NRXN2: variants seen among roughly 807,000 people sequenced by gnomAD.
The protein encoded by NRXN2 is neurexin 2.
Under a neutral mutation model 128.8 loss-of-function variants are expected in NRXN2, and 29 were observed. The ratio of observed to expected loss-of-function variants is 0.23; its 90% CI spans 0.17 to 0.31. NRXN2 has a LOEUF of 0.31. Ranked by LOEUF, NRXN2 falls within the 10% of genes least tolerant of loss-of-function variation. The probability of loss-of-function intolerance (pLI) is 1.00; values close to 1 mark genes in which losing one functional copy is unlikely to be tolerated. For missense variants in NRXN2, 1,881 were observed against 2,452.6 expected (o/e 0.77, Z 4.92); for synonymous variants, 1,098 against 1,075.2 (o/e 1.02, Z -0.41).
At chr11:64,708,678 G>A (rs1031048374) in intron 2 of NRXN2, among the ~76,000 whole-genome samples, 5 of 152,150 alleles carry the variant, frequency 3.3e-5, no homozygotes, top group African/African-American at 1.2e-4. Flanking sequence ...ACACAAATTC[G>A]TATGCACACC....
Position 64,608,090 on chromosome 11 carries a change from AAG to A in NRXN2, c.4253-10_4253-9del, listed in dbSNP as rs754320919. On this transcript the variant is annotated splice_polypyrimidine_tract_variant and intron_variant, in intron 22 of 22. Transcript: ENST00000265459. Reference sequence around the variant, plus strand: ...GCAATATTAACTCTCCTCCTAGAACAAGAGAGAGAAGAGAAAAGAGAGGGCGT... The same window carrying A: ...GCAATATTAACTCTCCTCCTAGAACAAGAGAGAAGAGAAAAGAGAGGGCGT... 3 of 1,579,508 alleles carry A rather than the reference AAG, an allele frequency of 1.9e-6. No homozygotes were observed. The highest frequency in any genetic ancestry group is 2.7e-5 in the African/African-American group (2 of 74,538).
At chr11:64,685,622 T>C in intron 6 of NRXN2, 24 bp downstream of exon 6, 1 of 1,614,136 alleles carries the variant, frequency 6.2e-7, no homozygotes, top group Non-Finnish European at 8.5e-7. Flanking sequence ...AGCTAATCCC[T>C]GGCCTTCTTC....
In NRXN2 at chr11:64,648,458, G is replaced by A; in HGVS notation, c.3284-120C>T. The A allele has an allele frequency of 6.6e-7, 1 of 1,509,184 alleles. No individual in the cohort carries two copies. The highest frequency in any genetic ancestry group is 9.1e-7 in the Non-Finnish European group (1 of 1,096,260). The allele number at this position is 1,509,184 out of a possible 1,614,324, so 93.5% of individuals were successfully genotyped here. ...TACTCTGAGCTCTGCCTGGCTGAAA[G>A]GGCCAAGTACTGATGACAGGGATTG... On this transcript the variant is annotated intron_variant, in intron 16 of 22. Coordinates refer to ENST00000265459, the MANE Select transcript of NRXN2 (RefSeq NM_015080.4). The surrounding 1 kb of genome is among the most constrained non-coding windows in gnomAD (Gnocchi z 4.1).
chr11:64,713,754 C>T lies in NRXN2; in HGVS notation c.-55G>A. 2 of 986,416 alleles carry T rather than the reference C, an allele frequency of 2.0e-6. No homozygotes were observed. The highest frequency in any genetic ancestry group is 2.4e-6 in the Non-Finnish European group (2 of 822,758). 61.1% of individuals were successfully genotyped at this position (986,416 alleles called of 1,614,324 possible). A position where few individuals can be genotyped will look rare whatever the true frequency, so the allele number is the denominator to read the frequency against. Reference sequence around the variant, plus strand: ...CCCGGCCCCCGCTCAGGCTTCAGAGCCGCGGGCGCATGGGGCGGGAGGGGG... The same window carrying T: ...CCCGGCCCCCGCTCAGGCTTCAGAGTCGCGGGCGCATGGGGCGGGAGGGGG... On this transcript the variant is annotated 5_prime_UTR_variant, in exon 2 of 23. Transcript: ENST00000265459.
At chr11:64,710,171 G>C (rs2056759371) in intron 2 of NRXN2, among the ~76,000 whole-genome samples, 1 of 152,026 alleles carries the variant, frequency 6.6e-6, no homozygotes, top group Non-Finnish European at 1.5e-5. Flanking sequence ...GCCTCCCAAA[G>C]TGCTGGGATT....
intron 2 of NRXN2, among the ~76,000 whole-genome samples, chr11:64,704,247 T>C (rs998354360): frequency 6.6e-6 from 1 of 152,120 alleles, no homozygotes; most frequent in African/African-American, 2.4e-5. Flanking sequence ...ATGGTATGTC[T>C]TGCCTAACAT....
chr11:64,648,701 G>A lies in NRXN2; in HGVS notation c.3283+33C>T, dbSNP rs371618149. 1.8e-5 allele frequency: 29 copies of A among 1,610,808 alleles called. No homozygotes were observed. Among genetic ancestry groups the A allele is most frequent in the Non-Finnish European group, 2.3e-5 (27 of 1,178,528 alleles). On this transcript the variant is annotated intron_variant, in intron 16 of 22. Transcript: ENST00000265459. The surrounding 1 kb of genome is among the most constrained non-coding windows in gnomAD (Gnocchi z 4.1). ...GCAGCTGGCCATCCTGTAGCCAGTA[G>A]GGCCACACCTCACTCCTCCACCCTC...
intron 8 of NRXN2, 78 bp downstream of exon 8, chr11:64,668,365 A>C: frequency 6.4e-7 from 1 of 1,570,768 alleles, no homozygotes; most frequent in Non-Finnish European, 8.7e-7. Flanking sequence ...ACAACTAGCC[A>C]GGTCAGACTA....
chr11:64,651,002 G>C lies in NRXN2; in HGVS notation c.2918+253C>G, dbSNP rs891704588. On this transcript the variant is annotated intron_variant, in intron 14 of 22. Transcript: ENST00000265459. The surrounding 1 kb of genome is among the most constrained non-coding windows in gnomAD (Gnocchi z 5.9). ...AAGACTGACTTCTGCCTGTAGAGAA[G>C]GTGACAGTGGACAGAGAACAGATAT... 6.6e-6 allele frequency among the ~76,000 whole-genome samples: 1 copy of C among 152,170 alleles called. No homozygotes were observed.
At chr11:64,716,505 G>A (rs951108634) in intron 1 of NRXN2, among the ~76,000 whole-genome samples, 3 of 152,192 alleles carry the variant, frequency 2.0e-5, no homozygotes, top group Admixed American at 1.3e-4. Flanking sequence ...GGGGCGAAGC[G>A]GCTGAGAGTC....
chr11:64,616,265 T>G (rs1320539849), intron 22 of NRXN2, among the ~76,000 whole-genome samples: 2 of 152,162 alleles, frequency 1.3e-5, no homozygotes, highest in African/African-American at 4.8e-5. Context: ...TCTGCAGATA[T>G]GTATGTGTGC....
At chr11:64,710,893 A>C (rs1252669923) in intron 2 of NRXN2, among the ~76,000 whole-genome samples, 1 of 152,162 alleles carries the variant, frequency 6.6e-6, no homozygotes, top group East Asian at 1.9e-4. Flanking sequence ...CACGCAGGCA[A>C]ACACACACCG....
Position 64,721,134 on chromosome 11 carries a change from C to T in NRXN2, c.-245+1837G>A, listed in dbSNP as rs75880330. On this transcript the variant is annotated intron_variant, in intron 1 of 22. Transcript: ENST00000265459. ...ATGCTGCCAGGAGGTGTATTGTGTA[C>T]GCAGGTGTGTGTGCCTGTGTAGGTG... 2.6e-3 allele frequency among the ~76,000 whole-genome samples: 385 copies of T among 150,526 alleles called. 1 individual carries two copies. Among genetic ancestry groups the T allele is most frequent in the Middle Eastern group, 0.01 (3 of 292 alleles).
At chr11:64,663,012 G>A (rs1052912029) in intron 9 of NRXN2, among the ~76,000 whole-genome samples, 1 of 152,048 alleles carries the variant, frequency 6.6e-6, no homozygotes, top group South Asian at 2.1e-4. Flanking sequence ...AACCCAAGAG[G>A]GAAGAACTGG....
chr11:64,671,870 C>G (rs1435572175), intron 7 of NRXN2, among the ~76,000 whole-genome samples: 1 of 152,044 alleles, frequency 6.6e-6, no homozygotes, highest in East Asian at 1.9e-4. Flanking sequence ...ATTCCACCAC[C>G]CATTCGCCAC....
intron 21 of NRXN2, 62 bp from the exon 22 acceptor site, chr11:64,620,434 C>A: frequency 1.5e-6 from 2 of 1,346,158 alleles, no homozygotes; most frequent in Non-Finnish European, 1.0e-6. Flanking sequence ...GATCCCACAG[C>A]TGCCACTTGA....
chr11:64,607,316 G>A lies in NRXN2; in HGVS notation c.5019C>T (p.Ser1673=), dbSNP rs138703722. ...GGGCCGAGTTACTGATGTAGTTTCGGCTCTGGTCCACCTGGTAGGAGCCCT... is the reference window on the plus strand; with the variant it reads ...GGGCCGAGTTACTGATGTAGTTTCGACTCTGGTCCACCTGGTAGGAGCCCT... ...RDEGSYQVDQ[S]RNYISNSAQS... The change falls in exon 23 of 23, where the codon AGC becomes AGT. Residue 1673 remains serine, a synonymous_variant. Coordinates refer to ENST00000265459, the MANE Select transcript of NRXN2 (RefSeq NM_015080.4). 227 of 1,613,926 alleles carry A rather than the reference G, an allele frequency of 1.4e-4. No homozygotes were observed. Among genetic ancestry groups the A allele is most frequent in the Non-Finnish European group, 1.7e-4 (199 of 1,179,994 alleles).
At chr11:64,676,742 A>G (rs1162495847) in intron 7 of NRXN2, 9 of 583,180 alleles carry the variant, frequency 1.5e-5, no homozygotes, top group Middle Eastern at 4.5e-4. Context: ...TAGGGATTAC[A>G]GCAGGGACAA....
intron 17 of NRXN2, chr11:64,642,508 C>G (rs1271400374): frequency 6.3e-7 from 1 of 1,596,646 alleles, no homozygotes; most frequent in Non-Finnish European, 8.5e-7. Context: ...CCCGGGCCAA[C>G]CGGGTGGCCG....
Sources: allele counts gnomAD v4.1 joint callset (sites outside exome capture counted in the v4.1 genomes callset), GRCh38; gene constraint gnomAD v4.1.1; non-coding constraint Gnocchi (gnomAD v3.1); transcripts MANE v1.5; gene names NCBI Gene and HGNC (gene_info 2026-07-23, HGNC 2026-07-21).